The following ENOX2 variants were observed in gnomAD, a reference collection of about 807,000 sequenced individuals.
ENOX2 encodes ecto-NOX disulfide-thiol exchanger 2.
A neutral mutation model predicts 45.0 loss-of-function variants in ENOX2; 36 were observed. That is an observed-to-expected ratio of 0.80 (90% confidence interval 0.61 to 1.06). The LOEUF (loss-of-function observed/expected upper bound fraction) is 1.06, where lower values mean the gene tolerates loss of function less well. Among genes scored for constraint, ENOX2 ranks in the 50% least tolerant of loss-of-function variants. The pLI, the probability that ENOX2 is intolerant of heterozygous loss-of-function variation, is 0.00. For missense variants in ENOX2, 423 were observed against 462.5 expected, an observed-to-expected ratio of 0.91 and a Z score of 0.78; for synonymous variants, 174 against 152.3, an observed-to-expected ratio of 1.14 and a Z score of -1.05.
At chrX:130,694,515 T>C (rs2037700201) in intron 4 of ENOX2, among the ~76,000 whole-genome samples, 1 of 110,953 alleles carries the variant, frequency 9.0e-6, no homozygotes, top group Admixed American at 9.6e-5. Flanking sequence ...CTACATCTGA[T>C]GTCTGACAAA....
At chrX:130,818,728 C>T (rs1291074087) in intron 2 of ENOX2, among the ~76,000 whole-genome samples, 1 of 112,092 alleles carries the variant, frequency 8.9e-6, no homozygotes, top group African/African-American at 3.2e-5. Flanking sequence ...TCCTTCCTTA[C>T]ACCTAATACA....
chrX:130,692,881 G>A (rs935956888), intron 4 of ENOX2, among the ~76,000 whole-genome samples: 4 of 110,638 alleles, frequency 3.6e-5, no homozygotes, highest in Non-Finnish European at 7.6e-5. Flanking sequence ...GAGCCACCAG[G>A]CCCAGCCCGT....
intron 2 of ENOX2, among the ~76,000 whole-genome samples, chrX:130,871,716 C>T (rs2078594853): frequency 9.0e-6 from 1 of 110,970 alleles, no homozygotes; most frequent in Non-Finnish European, 1.9e-5. Context: ...AGTCCCTCCC[C>T]ATAATACCAT....
chrX:130,756,284 T>C (rs1019357921), intron 3 of ENOX2, among the ~76,000 whole-genome samples: 4 of 112,226 alleles, frequency 3.6e-5, no homozygotes, highest in Non-Finnish European at 7.5e-5. Flanking sequence ...AAGAGGATAT[T>C]GTACTTTGCT....
At chrX:130,787,976 A>G (rs1209751180) in intron 2 of ENOX2, among the ~76,000 whole-genome samples, 1 of 112,120 alleles carries the variant, frequency 8.9e-6, no homozygotes, top group Non-Finnish European at 1.9e-5. Context: ...TGAAAGAGAC[A>G]GCAAAATCCT....
At chrX:130,871,540 G>A (rs1429979115) in intron 2 of ENOX2, among the ~76,000 whole-genome samples, 1 of 111,425 alleles carries the variant, frequency 9.0e-6, no homozygotes, top group Middle Eastern at 4.2e-3. Flanking sequence ...ATCAATGTAG[G>A]CTAGCAAAAG....
chrX:130,721,445 T>C (rs1457423163), intron 3 of ENOX2, among the ~76,000 whole-genome samples: 1 of 112,364 alleles, frequency 8.9e-6, no homozygotes, highest in Non-Finnish European at 1.9e-5. Flanking sequence ...GCTTGAACTT[T>C]CCTTCAAAAA....
intron 12 of ENOX2, among the ~76,000 whole-genome samples, chrX:130,632,222 C>G (rs1020652545): frequency 9.0e-6 from 1 of 110,731 alleles, no homozygotes; most frequent in African/African-American, 3.3e-5. Context: ...ATTTACTAGT[C>G]TTTCTCTCTC....
At chrX:130,818,904 A>C (rs2077540395) in intron 2 of ENOX2, among the ~76,000 whole-genome samples, 1 of 112,621 alleles carries the variant, frequency 8.9e-6, no homozygotes, top group Admixed American at 9.4e-5. Context: ...GCTTCTGCAT[A>C]GCAAAAGAAA....
intron 5 of ENOX2, 124 bp from the exon 6 acceptor site, chrX:130,679,872 C>T (rs12860391): frequency 2.0e-6 from 1 of 503,403 alleles, no homozygotes; most frequent in Non-Finnish European, 3.4e-6. Context: ...AGGATGTGGC[C>T]TCTGAGGTGT....
chrX:130,810,559 C>T (rs2148447010), intron 2 of ENOX2, among the ~76,000 whole-genome samples: 1 of 112,033 alleles, frequency 8.9e-6, no homozygotes, highest in African/African-American at 3.2e-5. Context: ...CAGACTAACC[C>T]ACAGCTAAGT....
Position 130,846,811 on chromosome X carries a change from A to T in ENOX2, c.-183+54873T>A, listed in dbSNP as rs1372785394. 2.7e-5 allele frequency among the ~76,000 whole-genome samples: 3 copies of T among 112,587 alleles called. No homozygotes were observed. In the East Asian group the frequency reaches 8.3e-4, roughly 31 times the overall value. The stretch of plus-strand genomic sequence containing the variant: ...TTTGATTTTTCTTTTATAAATCTGA[A>T]TTTTAGCATACTGTCTCCTTAAAAG... On this transcript the variant is annotated intron_variant, in intron 2 of 14. Coordinates refer to ENST00000394363, the MANE Select transcript of ENOX2 (RefSeq NM_006375.4).
intron 2 of ENOX2, among the ~76,000 whole-genome samples, chrX:130,803,587 T>C (rs1423101217): frequency 1.8e-5 from 2 of 111,747 alleles, no homozygotes; most frequent in Non-Finnish European, 3.8e-5. Flanking sequence ...AGCAAGAAAA[T>C]GAATTAAATG....
At chrX:130,723,971 A>T (rs1006581112) in intron 3 of ENOX2, among the ~76,000 whole-genome samples, 49 of 112,055 alleles carry the variant, frequency 4.4e-4, no homozygotes, top group African/African-American at 1.5e-3. Context: ...GTCCCCCCGC[A>T]GGATATGGCA....
In ENOX2 at chrX:130,706,393, T is replaced by C. The variant is rs202012365; in HGVS notation, c.-38-3139A>G. Among the ~76,000 whole-genome samples the C allele has an allele frequency of 7.2e-5, 8 of 111,707 alleles. No individual in the cohort carries two copies. The East Asian group carries it at 2.2e-3, about 31-fold the overall frequency. ...AGGAGGAATGCCAGGGAAGCCTTCATTGGGAAAGAATCATTTGAAGTAAGT... is the reference window on the plus strand; with the variant it reads ...AGGAGGAATGCCAGGGAAGCCTTCACTGGGAAAGAATCATTTGAAGTAAGT... On this transcript the variant is annotated intron_variant, in intron 3 of 14. Transcript: ENST00000394363.
intron 2 of ENOX2, among the ~76,000 whole-genome samples, chrX:130,823,746 ATCT>A (rs1445672033): frequency 1.8e-5 from 2 of 111,280 alleles, no homozygotes. Context: ...TCCCTCTCTG[ATCT>A]TTTACAACTT....
At chrX:130,632,818 T>C (rs1331326981) in intron 12 of ENOX2, among the ~76,000 whole-genome samples, 6 of 112,238 alleles carry the variant, frequency 5.3e-5, no homozygotes, top group Admixed American at 9.4e-5. Flanking sequence ...ACTCAATCTT[T>C]GGCCTTTAGA....
In ENOX2 at chrX:130,667,556, T is replaced by G; in HGVS notation, c.881A>C (p.Gln294Pro). The change falls in exon 8 of 15, where the codon CAG becomes CCG. Residue 294 changes from glutamine to proline, a missense_variant. Gln to Pro is a moderately conservative substitution (Grantham distance 76, BLOSUM62 -1). This residue lies in a region of ENOX2 where 261 missense variants were observed against 306.8 expected (regional missense o/e 0.85). Coordinates refer to ENST00000394363, the MANE Select transcript of ENOX2 (RefSeq NM_006375.4). ...DMEEAKEKFK[Q>P]ALSGILIQFE... The stretch of plus-strand genomic sequence containing the variant: ...TTGAATGAGAATTCCAGAAAGGGCC[T>G]GCTTGAACTTCTCCTTTGCTTCTTC... 1.7e-6 allele frequency: 2 copies of G among 1,211,130 alleles called. No individual in the cohort carries two copies. The highest frequency in any genetic ancestry group is 2.2e-6 in the Non-Finnish European group (2 of 894,964).
Position 130,670,043 on chromosome X carries a change from TTTC to T in ENOX2, c.613_615del (p.Glu205del). ...GGGGGTGGAGATGGTGGACGCAATC[TTTC>T]TTCTTCCATTCTTCTACGATGGCGC... On this transcript the variant is annotated inframe_deletion, in exon 7 of 15. Transcript: ENST00000394363. 1 of 1,211,719 alleles carries T rather than the reference TTTC, an allele frequency of 8.3e-7. No individual in the cohort carries two copies. The highest frequency in any genetic ancestry group is 1.1e-6 in the Non-Finnish European group (1 of 895,214).
Sources: allele counts gnomAD v4.1 joint callset (sites outside exome capture counted in the v4.1 genomes callset), GRCh38; gene constraint gnomAD v4.1.1; regional missense constraint gnomAD v4.1.1; transcripts MANE v1.5; gene names NCBI Gene and HGNC (gene_info 2026-07-23, HGNC 2026-07-21).